Variants in SPHKAP observed in about 807,000 individuals in gnomAD.
The protein encoded by SPHKAP is A-kinase anchor protein SPHKAP.
SPHKAP carries 67 observed loss-of-function variants against 137.5 expected under a neutral mutation model. That is an observed-to-expected ratio of 0.49 (90% CI 0.40 to 0.60). The LOEUF is 0.60. SPHKAP is among the 20% of genes least tolerant of loss of function. SPHKAP has a pLI of 0.00. For synonymous variants in SPHKAP, 813 were observed against 785.3 expected, an observed-to-expected ratio of 1.04 and a Z score of -0.59; for missense variants, 2,097 against 2,069.3, an observed-to-expected ratio of 1.01 and a Z score of -0.26.
intron 2 of SPHKAP, among the ~76,000 whole-genome samples, chr2:228,124,805 C>T (rs1699022941): frequency 6.6e-6 from 1 of 152,148 alleles, no homozygotes; most frequent in Admixed American, 6.6e-5. Flanking sequence ...TGCCTGAACA[C>T]ATTAATTAAA....
At chr2:228,177,924 G>A (rs1456653243) in intron 1 of SPHKAP, among the ~76,000 whole-genome samples, 4 of 152,002 alleles carry the variant, frequency 2.6e-5, no homozygotes, top group African/African-American at 9.7e-5. Flanking sequence ...AGTAAACCAA[G>A]CAAAAAGAAC....
chr2:228,047,285 G>A (rs1451816460), intron 3 of SPHKAP, among the ~76,000 whole-genome samples: 2 of 152,004 alleles, frequency 1.3e-5, no homozygotes, highest in African/African-American at 2.4e-5. Context: ...GGCCAACACT[G>A]CGAAACCCCA....
At chr2:228,180,834 CA>C (rs1176820199) in intron 1 of SPHKAP, among the ~76,000 whole-genome samples, 3 of 152,244 alleles carry the variant, frequency 2.0e-5, no homozygotes, top group African/African-American at 7.2e-5. Flanking sequence ...GAGTGTGGAA[CA>C]GGGGCAAAAA....
In SPHKAP at chr2:228,108,882, T is replaced by C. The variant is rs767042665; in HGVS notation, c.196A>G (p.Met66Val). 5.6e-6 allele frequency: 9 copies of C among 1,610,338 alleles called. No homozygotes were observed. Among genetic ancestry groups the C allele is most frequent in the Admixed American group, 5.1e-5 (3 of 58,606 alleles). Reference sequence around the variant, plus strand: ...TCTACAAAACCAATTTGGCAGGGCATCCTCTGATTCTGCAACCAGTAGTCT... The same window carrying C: ...TCTACAAAACCAATTTGGCAGGGCACCCTCTGATTCTGCAACCAGTAGTCT... ...STDYWLQNQR[M>V]PCQIGFVEDK... is the part of the protein sequence containing the mutation. Residue 66 changes from methionine to valine, a missense_variant, in exon 3 of 12, where the codon ATG becomes GTG. By Grantham distance (21) the Met-to-Val change is conservative. Coordinates refer to ENST00000392056, the MANE Select transcript of SPHKAP (RefSeq NM_001142644.2).
intron 1 of SPHKAP, among the ~76,000 whole-genome samples, chr2:228,141,598 A>G (rs548858799): frequency 3.3e-5 from 5 of 152,318 alleles, no homozygotes; most frequent in East Asian, 3.9e-4. Context: ...TCTGCTGACT[A>G]TTAACTATTA....
At chr2:228,086,324 C>T (rs1330721684) in intron 3 of SPHKAP, among the ~76,000 whole-genome samples, 1 of 151,008 alleles carries the variant, frequency 6.6e-6, no homozygotes, top group African/African-American at 2.4e-5. Flanking sequence ...CTTCTTTCCC[C>T]TGCCTCCCCT....
chr2:228,095,723 TA>T (rs1463105201), intron 3 of SPHKAP, among the ~76,000 whole-genome samples: 2 of 152,178 alleles, frequency 1.3e-5, no homozygotes, highest in African/African-American at 2.4e-5. Context: ...AAATATTATT[TA>T]TTTTTTTATT....
chr2:228,047,141 A>C (rs1160664143), intron 3 of SPHKAP, among the ~76,000 whole-genome samples: 1 of 152,234 alleles, frequency 6.6e-6, no homozygotes, highest in Admixed American at 6.5e-5. Flanking sequence ...ATAAAATCAC[A>C]GAATTTGACA....
intron 1 of SPHKAP, among the ~76,000 whole-genome samples, chr2:228,145,514 CCA>C (rs1219441526): frequency 6.6e-6 from 1 of 152,050 alleles, no homozygotes; most frequent in Non-Finnish European, 1.5e-5. Context: ...ATTTTGGCTC[CCA>C]TTTTGGCAGG....
intron 7 of SPHKAP, among the ~76,000 whole-genome samples, chr2:228,003,608 G>C (rs898279835): frequency 6.6e-6 from 1 of 152,204 alleles, no homozygotes; most frequent in East Asian, 1.9e-4. Flanking sequence ...TGTTGGATAG[G>C]AGTGGTGAGA....
chr2:228,001,327 A>G (rs1038252455), intron 7 of SPHKAP, among the ~76,000 whole-genome samples: 2 of 144,556 alleles, frequency 1.4e-5, no homozygotes, highest in African/African-American at 5.0e-5. Flanking sequence ...ATAAATATAT[A>G]TACATATATA....
intron 7 of SPHKAP, among the ~76,000 whole-genome samples, chr2:228,008,706 T>C (rs1238614834): frequency 5.3e-5 from 8 of 151,694 alleles, no homozygotes; most frequent in African/African-American, 1.9e-4. Flanking sequence ...TGCATGTAAA[T>C]GTCCAGTTGT....
chr2:228,142,102 G>A (rs966281572), intron 1 of SPHKAP, among the ~76,000 whole-genome samples: 6 of 152,090 alleles, frequency 3.9e-5, no homozygotes, highest in African/African-American at 7.2e-5. Flanking sequence ...GGCTTGAGAC[G>A]CTCATGTTGA....
chr2:228,092,825 T>C lies in SPHKAP; in HGVS notation c.246+16007A>G, dbSNP rs182521619. On this transcript the variant is annotated intron_variant, in intron 3 of 11. Transcript: ENST00000392056. ...CTTAGAAATGGAAAACCAAACATCA[T>C]ATGTTCTCACTCATAAGTGGGAGCT... Among the ~76,000 whole-genome samples the C allele has an allele frequency of 1.6e-3, 241 of 152,056 alleles. 2 individuals carry two copies. The highest frequency in any genetic ancestry group is 5.4e-3 in the African/African-American group (226 of 41,478).
intron 9 of SPHKAP, 133 bp downstream of exon 9, chr2:227,993,401 C>A: frequency 1.2e-6 from 1 of 809,006 alleles, no homozygotes; most frequent in Non-Finnish European, 2.0e-6. Flanking sequence ...AATTCTTCCT[C>A]CAGTGACATG....
At chr2:228,067,575 T>C (rs1205430155) in intron 3 of SPHKAP, among the ~76,000 whole-genome samples, 1 of 152,158 alleles carries the variant, frequency 6.6e-6, no homozygotes, top group Admixed American at 6.5e-5. Context: ...TTTAGAGCTG[T>C]GAGTGAATTT....
intron 3 of SPHKAP, among the ~76,000 whole-genome samples, chr2:228,085,509 T>C (rs1266594216): frequency 6.6e-6 from 1 of 152,206 alleles, no homozygotes; most frequent in East Asian, 1.9e-4. Context: ...AATGACTCAA[T>C]TTTAGCTATT....
In SPHKAP at chr2:227,980,746, A is replaced by G. The variant is rs1219059651; in HGVS notation, c.*971T>C. ...ATGTCTGCTGTACAGGTAGCAGCAC[A>G]TACGTGATGAAACAGGCCACTGAGC... On this transcript the variant is annotated 3_prime_UTR_variant, in exon 12 of 12. Transcript: ENST00000392056. 6.6e-6 allele frequency: 1 copy of G among 152,188 alleles called. No homozygotes were observed. The highest frequency in any genetic ancestry group is 1.5e-5 in the Non-Finnish European group (1 of 68,038). 9.4% of individuals were successfully genotyped at this position (152,188 alleles called of 1,614,324 possible). A position where few individuals can be genotyped will look rare whatever the true frequency, so the allele number is the denominator to read the frequency against.
At position 228,034,930 on chromosome 2, in the gene SPHKAP, G is replaced by C. The variant is rs536826606; in HGVS notation, c.247-7387C>G. Among the ~76,000 whole-genome samples the C allele has an allele frequency of 2.6e-5, 4 of 151,486 alleles. 1 individual carries two copies. Among genetic ancestry groups the C allele is most frequent in the African/African-American group, 9.7e-5 (4 of 41,170 alleles). On this transcript the variant is annotated intron_variant, in intron 3 of 11. Coordinates refer to ENST00000392056, the MANE Select transcript of SPHKAP (RefSeq NM_001142644.2). Reference sequence around the variant, plus strand: ...CAAACCCACAGCCAATATCATTCCGGATGGGCAAAAACTGGAAGCATTCCC... The same window carrying C: ...CAAACCCACAGCCAATATCATTCCGCATGGGCAAAAACTGGAAGCATTCCC...
Sources: gnomAD v4.1 joint callset for allele counts (sites outside exome capture counted in the v4.1 genomes callset) on GRCh38, gnomAD v4.1.1 for gene constraint, MANE v1.5 for transcripts, NCBI Gene and HGNC (gene_info 2026-07-23, HGNC 2026-07-21) for gene names.